PRKAR1B: variants seen among roughly 807,000 people sequenced by gnomAD.
The protein encoded by PRKAR1B is cAMP-dependent protein kinase type I-beta regulatory subunit.
Under a neutral mutation model 46.5 loss-of-function variants are expected in PRKAR1B, and 22 were observed. The observed-to-expected ratio is 0.47, with a 90% CI of 0.34 to 0.68. The LOEUF is 0.68. Among genes scored for constraint, PRKAR1B ranks in the 30% least tolerant of loss-of-function variants. The probability of loss-of-function intolerance (pLI) is 0.01; values close to 1 mark genes in which losing one functional copy is unlikely to be tolerated. For synonymous variants in PRKAR1B, 259 were observed against 217.7 expected, an observed-to-expected ratio of 1.19 and a Z score of -1.67; for missense variants, 445 against 535.6, an observed-to-expected ratio of 0.83 and a Z score of 1.67.
At chr7:572,981 G>C (rs952870226) in intron 9 of PRKAR1B, among the ~76,000 whole-genome samples, 2 of 152,190 alleles carry the variant, frequency 1.3e-5, no homozygotes, top group African/African-American at 4.8e-5. Flanking sequence ...GGCCACGAGG[G>C]CAGCCACTGA....
Position 551,096 on chromosome 7 carries a change from G to A in PRKAR1B, c.973+293C>T, listed in dbSNP as rs143235255. 7.7e-3 allele frequency among the ~76,000 whole-genome samples: 1,164 copies of A among 152,024 alleles called. 13 individuals are homozygous for A. Among genetic ancestry groups the A allele is most frequent in the African/African-American group, 0.026 (1,093 of 41,344 alleles). On this transcript the variant is annotated intron_variant, in intron 10 of 10. Transcript: ENST00000537384. The stretch of plus-strand genomic sequence containing the variant: ...GCTGCAGGAATGCTGGTGGCTGATG[G>A]CTACACTGTGCCCCCTCATCCCAGA...
chr7:698,434 G>T (rs1211715112), intron 2 of PRKAR1B, among the ~76,000 whole-genome samples: 1 of 152,078 alleles, frequency 6.6e-6, no homozygotes, highest in Non-Finnish European at 1.5e-5. Flanking sequence ...GTGTGCATGT[G>T]TGTCTAGGTA....
In PRKAR1B at chr7:611,135, G is replaced by T. The variant is rs111329534; in HGVS notation, c.441-3683C>A. The stretch of plus-strand genomic sequence containing the variant: ...CAAGACACAAAGTAACTTCACCCAA[G>T]GTCAAGAAGCCAGGAAGAGGTGAAG... On this transcript the variant is annotated intron_variant, in intron 4 of 10. Transcript: ENST00000537384. Among the ~76,000 whole-genome samples the T allele has an allele frequency of 3.2e-3, 492 of 152,358 alleles. 1 individual carries two copies. Among genetic ancestry groups the T allele is most frequent in the African/African-American group, 0.011 (461 of 41,580 alleles).
intron 7 of PRKAR1B, among the ~76,000 whole-genome samples, chr7:592,632 C>T (rs1487445718): frequency 2.0e-5 from 3 of 152,220 alleles, no homozygotes; most frequent in Admixed American, 6.5e-5. Flanking sequence ...CTCTGGATAC[C>T]CCAGCACAGC....
At chr7:584,982 G>C (rs746836668) in intron 7 of PRKAR1B, among the ~76,000 whole-genome samples, 3 of 152,134 alleles carry the variant, frequency 2.0e-5, no homozygotes, top group Non-Finnish European at 2.9e-5. Flanking sequence ...GTAGAAGGGA[G>C]AGTGCGGCTG....
chr7:613,250 T>C lies in PRKAR1B; in HGVS notation c.441-5798A>G, dbSNP rs551658028. On this transcript the variant is annotated intron_variant, in intron 4 of 10. Coordinates refer to ENST00000537384, the MANE Select transcript of PRKAR1B (RefSeq NM_001164760.2). Reference sequence around the variant, plus strand: ...TTTTTCTTTTTCTTTTGTTTTTTTTTTTTTGATTACTTGTACTGACGTGTA... The same window carrying C: ...TTTTTCTTTTTCTTTTGTTTTTTTTCTTTTGATTACTTGTACTGACGTGTA... 4.3e-4 allele frequency among the ~76,000 whole-genome samples: 66 copies of C among 151,770 alleles called. 2 individuals are homozygous for C. The East Asian group carries it at 0.012, about 27-fold the overall frequency.
intron 7 of PRKAR1B, among the ~76,000 whole-genome samples, chr7:594,498 C>T (rs922657093): frequency 9.9e-5 from 15 of 152,206 alleles, no homozygotes; most frequent in Admixed American, 3.3e-4. Flanking sequence ...CCTGGCCCAG[C>T]GGTCATGGCT....
At chr7:625,377 AG>A (rs1443163000) in intron 4 of PRKAR1B, among the ~76,000 whole-genome samples, 9 of 152,356 alleles carry the variant, frequency 5.9e-5, no homozygotes, top group African/African-American at 1.7e-4. Context: ...TTAAATCCAA[AG>A]CAACAAAAAG....
At chr7:726,831 G>A (rs1781315184) in intron 1 of PRKAR1B, 2 of 1,329,446 alleles carry the variant, frequency 1.5e-6, no homozygotes, top group Non-Finnish European at 9.6e-7. Context: ...TGCTGCCGGG[G>A]CTGGAGGCCG....
chr7:578,187 C>T (rs1295152828), intron 9 of PRKAR1B, among the ~76,000 whole-genome samples: 1 of 152,226 alleles, frequency 6.6e-6, no homozygotes, highest in Non-Finnish European at 1.5e-5. Flanking sequence ...AGTCGAGTCC[C>T]ACCTGCTAAC....
intron 7 of PRKAR1B, among the ~76,000 whole-genome samples, chr7:586,113 T>C (rs954052151): frequency 3.3e-5 from 5 of 151,898 alleles, no homozygotes; most frequent in Non-Finnish European, 7.4e-5. Context: ...CTGAGGAGCA[T>C]CAGTAAGAGA....
chr7:702,668 A>G (rs1488560817), intron 2 of PRKAR1B, among the ~76,000 whole-genome samples: 1 of 152,062 alleles, frequency 6.6e-6, no homozygotes, highest in African/African-American at 2.4e-5. Flanking sequence ...CTAAAAATAC[A>G]AAAAATTTGC....
At chr7:627,007 T>C (rs2128476524) in intron 4 of PRKAR1B, among the ~76,000 whole-genome samples, 1 of 152,322 alleles carries the variant, frequency 6.6e-6, no homozygotes, top group African/African-American at 2.4e-5. Flanking sequence ...CCCGAATAGC[T>C]GGGACTACAG....
chr7:728,720 C>T (rs144179971), upstream of PRKAR1B, among the ~76,000 whole-genome samples: 10 of 152,364 alleles, frequency 6.6e-5, no homozygotes, highest in Non-Finnish European at 1.5e-4. Flanking sequence ...TGTGCCCCAG[C>T]CCCAAGCGCA....
chr7:672,818 G>C (rs1410504041), intron 4 of PRKAR1B, among the ~76,000 whole-genome samples: 1 of 151,898 alleles, frequency 6.6e-6, no homozygotes, highest in African/African-American at 2.4e-5. Flanking sequence ...AGTGAGCCAA[G>C]ATTGCAAGAC....
intron 4 of PRKAR1B, among the ~76,000 whole-genome samples, chr7:637,693 G>A (rs192631696): frequency 6.6e-6 from 1 of 151,908 alleles, no homozygotes; most frequent in East Asian, 2.0e-4. Flanking sequence ...AAATTAGCCG[G>A]GTGTGGTGGC....
chr7:619,525 G>C (rs947661125), intron 4 of PRKAR1B, among the ~76,000 whole-genome samples: 2 of 152,370 alleles, frequency 1.3e-5, no homozygotes, highest in Middle Eastern at 6.8e-3. Flanking sequence ...ACACAGCTAA[G>C]GAATGGTGGT....
intron 9 of PRKAR1B, among the ~76,000 whole-genome samples, chr7:573,845 G>A (rs530340684): frequency 1.7e-3 from 259 of 152,272 alleles, no homozygotes; most frequent in Non-Finnish European, 3.0e-3. Context: ...GGCAGCGTCT[G>A]CCCCTCGCCG....
intron 4 of PRKAR1B, among the ~76,000 whole-genome samples, 174 bp from the exon 5 acceptor site, chr7:607,626 G>A (rs1341733706): frequency 6.6e-6 from 1 of 152,204 alleles, no homozygotes; most frequent in Non-Finnish European, 1.5e-5. Context: ...GAAGGCCAGA[G>A]ATGGCACCGC....
Sources: allele counts gnomAD v4.1 joint callset (sites outside exome capture counted in the v4.1 genomes callset), GRCh38; gene constraint gnomAD v4.1.1; transcripts MANE v1.5; gene names NCBI Gene and HGNC (gene_info 2026-07-23, HGNC 2026-07-21).